GPC5: variants seen among roughly 807,000 people sequenced by gnomAD.
GPC5 encodes glypican-5.
In GPC5, 47 loss-of-function variants were observed where a neutral mutation model predicts 53.9. The observed-to-expected ratio is 0.87, with a 90% CI of 0.69 to 1.11. The LOEUF (loss-of-function observed/expected upper bound fraction) is 1.11, where lower values mean the gene tolerates loss of function less well. GPC5 is among the 50% of genes most tolerant of loss of function. The probability of loss-of-function intolerance (pLI) is 0.00; values close to 1 mark genes in which losing one functional copy is unlikely to be tolerated. For missense variants in GPC5, 748 were observed against 713.1 expected, an observed-to-expected ratio of 1.05 and a Z score of -0.56; for synonymous variants, 286 against 263.3, an observed-to-expected ratio of 1.09 and a Z score of -0.84.
chr13:91,420,741 A>G (rs914472600), intron 1 of GPC5, among the ~76,000 whole-genome samples: 76 of 152,266 alleles, frequency 5.0e-4, no homozygotes, highest in African/African-American at 1.6e-3. Context: ...CTATAGAGAT[A>G]GTGAGTGAGT....
At chr13:92,038,257 A>G (rs1315448196) in intron 6 of GPC5, among the ~76,000 whole-genome samples, 2 of 151,844 alleles carry the variant, frequency 1.3e-5, no homozygotes, top group African/African-American at 2.4e-5. Context: ...GTTATCAGAG[A>G]TCGGTACTAA....
chr13:91,818,015 A>G (rs1250224403), intron 5 of GPC5, among the ~76,000 whole-genome samples: 10 of 152,182 alleles, frequency 6.6e-5, no homozygotes, highest in Non-Finnish European at 1.5e-4. Flanking sequence ...TGAAACAGTA[A>G]GGAAAATTTC....
chr13:91,967,174 G>T lies in GPC5; in HGVS notation c.1401+59117G>T, dbSNP rs374998197. ...AATGAGAGAGAACCAAGTGAAAGGG[G>T]TTTCCCTTTATAAAACCATCAGATC... is the stretch of plus-strand genomic sequence containing the variant. On this transcript the variant is annotated intron_variant, in intron 6 of 7. Transcript: ENST00000377067. 5.9e-5 allele frequency among the ~76,000 whole-genome samples: 9 copies of T among 152,192 alleles called. No homozygotes were observed. The East Asian group carries it at 1.7e-3, about 29-fold the overall frequency.
At chr13:91,700,021 A>G (rs747404885) in intron 3 of GPC5, among the ~76,000 whole-genome samples, 6 of 152,172 alleles carry the variant, frequency 3.9e-5, no homozygotes, top group Middle Eastern at 3.2e-3. Flanking sequence ...CTGTTTAGAT[A>G]TCATAAATTT....
chr13:91,568,709 G>A (rs922990135), intron 2 of GPC5, among the ~76,000 whole-genome samples: 2 of 151,416 alleles, frequency 1.3e-5, no homozygotes, highest in African/African-American at 2.4e-5. Flanking sequence ...CTTAAAATAG[G>A]CTTTCCATAG....
chr13:92,474,716 T>G (rs59625209), intron 7 of GPC5, among the ~76,000 whole-genome samples: 3,512 of 152,128 alleles, frequency 0.023, 152 homozygotes, highest in African/African-American at 0.081. Context: ...ACACTTTGAT[T>G]CTGTAAAATT....
intron 6 of GPC5, among the ~76,000 whole-genome samples, chr13:92,053,753 G>A (rs1438676752): frequency 2.0e-5 from 3 of 151,844 alleles, no homozygotes; most frequent in Non-Finnish European, 4.4e-5. Flanking sequence ...TTTCATGGCC[G>A]GGCGCGGTGG....
intron 6 of GPC5, among the ~76,000 whole-genome samples, chr13:91,926,906 T>A (rs1467375921): frequency 2.0e-5 from 3 of 152,230 alleles, no homozygotes; most frequent in Non-Finnish European, 4.4e-5. Context: ...GCTACATAGT[T>A]TCTACCATGA....
intron 7 of GPC5, among the ~76,000 whole-genome samples, chr13:92,534,772 G>A (rs972800890): frequency 2.6e-5 from 4 of 152,100 alleles, no homozygotes; most frequent in East Asian, 1.9e-4. Flanking sequence ...ATTTTTAAAA[G>A]GATTATGTAT....
At chr13:92,571,079 A>G (rs1274862670) in intron 7 of GPC5, among the ~76,000 whole-genome samples, 2 of 152,128 alleles carry the variant, frequency 1.3e-5, no homozygotes, top group African/African-American at 2.4e-5. Context: ...TTAGCATTAA[A>G]TATTCTCTTG....
At chr13:92,215,112 G>A (rs2042400657) in intron 7 of GPC5, among the ~76,000 whole-genome samples, 1 of 152,162 alleles carries the variant, frequency 6.6e-6, no homozygotes, top group African/African-American at 2.4e-5. Flanking sequence ...CTAAAAGGGA[G>A]ATTTAACTGA....
At chr13:91,662,938 G>C (rs2035019746) in intron 2 of GPC5, among the ~76,000 whole-genome samples, 1 of 152,314 alleles carries the variant, frequency 6.6e-6, no homozygotes, top group Non-Finnish European at 1.5e-5. Context: ...AACAGAGAGA[G>C]ATGGATAAAT....
intron 5 of GPC5, among the ~76,000 whole-genome samples, chr13:91,799,013 G>T (rs1319445361): frequency 6.6e-6 from 1 of 152,106 alleles, no homozygotes; most frequent in South Asian, 2.1e-4. Flanking sequence ...ATCTTCTTTT[G>T]AGAAGTGTCA....
At chr13:91,579,947 C>A (rs905819377) in intron 2 of GPC5, among the ~76,000 whole-genome samples, 1 of 151,952 alleles carries the variant, frequency 6.6e-6, no homozygotes. Flanking sequence ...AGAATTAGAG[C>A]TTTACGGTAT....
chr13:92,512,982 T>C (rs1880629993), intron 7 of GPC5, among the ~76,000 whole-genome samples: 1 of 152,216 alleles, frequency 6.6e-6, no homozygotes, highest in Non-Finnish European at 1.5e-5. Flanking sequence ...AGTTCCTGGA[T>C]AACAGCCACA....
At chr13:91,793,138 G>A (rs893884166) in intron 5 of GPC5, among the ~76,000 whole-genome samples, 1 of 152,136 alleles carries the variant, frequency 6.6e-6, no homozygotes, top group African/African-American at 2.4e-5. Flanking sequence ...CAGTTCCTTA[G>A]AGCAGGGGAG....
intron 7 of GPC5, among the ~76,000 whole-genome samples, chr13:92,317,698 C>T (rs2043188904): frequency 6.6e-6 from 1 of 151,942 alleles, no homozygotes; most frequent in Non-Finnish European, 1.5e-5. Context: ...GACAGGGTTT[C>T]ACCATGTTGG....
intron 7 of GPC5, among the ~76,000 whole-genome samples, chr13:92,854,829 T>A (rs1878942014): frequency 1.3e-5 from 2 of 152,032 alleles, no homozygotes; most frequent in Non-Finnish European, 1.5e-5. Context: ...TTTTTTCTAT[T>A]CTGCAGGTTT....
chr13:91,789,921 A>G (rs1435057594), intron 5 of GPC5, among the ~76,000 whole-genome samples: 1 of 152,212 alleles, frequency 6.6e-6, no homozygotes, highest in Admixed American at 6.5e-5. Flanking sequence ...AGGCGCTTTC[A>G]CAAAAGGGCA....
Sources: allele counts gnomAD v4.1 joint callset (sites outside exome capture counted in the v4.1 genomes callset), GRCh38; gene constraint gnomAD v4.1.1; transcripts MANE v1.5; gene names NCBI Gene and HGNC (gene_info 2026-07-23, HGNC 2026-07-21).